The following GABRA3 variants were observed in gnomAD, a reference collection of about 807,000 sequenced individuals.
GABRA3 encodes gamma-aminobutyric acid type A receptor subunit alpha3, also known as gamma-aminobutyric acid receptor subunit alpha-3.
GABRA3 carries 10 observed loss-of-function variants against 30.1 expected under a neutral mutation model. The ratio of observed to expected loss-of-function variants is 0.33; its 90% CI spans 0.20 to 0.56. GABRA3 has a LOEUF of 0.56. GABRA3 is among the 20% of genes least tolerant of loss of function. The probability of loss-of-function intolerance (pLI) is 0.89; values close to 1 mark genes in which losing one functional copy is unlikely to be tolerated. For missense variants in GABRA3, 233 were observed against 392.0 expected (o/e 0.59, Z 3.42); for synonymous variants, 151 against 146.8 (o/e 1.03, Z -0.21).
chrX:152,232,962 C>G (rs1321531909), intron 5 of GABRA3, among the ~76,000 whole-genome samples: 1 of 110,924 alleles, frequency 9.0e-6, no homozygotes, highest in Non-Finnish European at 1.9e-5. Flanking sequence ...TACCTGCATC[C>G]TTGTCAACAT....
chrX:152,218,108 C>T (rs1270814788), intron 6 of GABRA3, among the ~76,000 whole-genome samples: 4 of 108,675 alleles, frequency 3.7e-5, no homozygotes, highest in Non-Finnish European at 7.7e-5. Context: ...TTATAAATTT[C>T]CCTCTAAGCA....
At chrX:152,321,621 G>A in intron 3 of GABRA3, among the ~76,000 whole-genome samples, 1 of 111,223 alleles carries the variant, frequency 9.0e-6, no homozygotes, top group Non-Finnish European at 1.9e-5. Context: ...TAATTTAATT[G>A]GATCTCTTGG....
intron 5 of GABRA3, among the ~76,000 whole-genome samples, chrX:152,239,289 T>C (rs1473030258): frequency 9.3e-6 from 1 of 107,201 alleles, no homozygotes; most frequent in East Asian, 2.9e-4. Context: ...TCAGTTTCCA[T>C]GTAGTTGAGA....
chrX:152,403,917 G>T (rs749597031), intron 1 of GABRA3, among the ~76,000 whole-genome samples: 114 of 111,166 alleles, frequency 1.0e-3, no homozygotes, highest in African/African-American at 3.5e-3. Flanking sequence ...AAATGAGTCT[G>T]ACAGTCTGAG....
At chrX:152,196,624 G>A (rs1342228927) in intron 8 of GABRA3, among the ~76,000 whole-genome samples, 1 of 110,890 alleles carries the variant, frequency 9.0e-6, no homozygotes, top group Non-Finnish European at 1.9e-5. Context: ...TTCTTCTCAA[G>A]ATCCCTAACA....
chrX:152,207,388 CT>C (rs1212896615), intron 7 of GABRA3, among the ~76,000 whole-genome samples: 5 of 111,693 alleles, frequency 4.5e-5, no homozygotes, highest in African/African-American at 1.6e-4. Context: ...CCTTGAACTG[CT>C]CAGGGGCCAT....
chrX:152,348,356 T>C (rs1940423019), intron 2 of GABRA3, among the ~76,000 whole-genome samples: 1 of 111,770 alleles, frequency 8.9e-6, no homozygotes, highest in South Asian at 3.8e-4. Context: ...ATGCTATGTG[T>C]TTATCAACTT....
chrX:152,360,864 G>C (rs1043519825), intron 2 of GABRA3, among the ~76,000 whole-genome samples: 3 of 106,760 alleles, frequency 2.8e-5, no homozygotes, highest in Non-Finnish European at 3.9e-5. Context: ...TTTGAGGTCA[G>C]GAGTTTGAGA....
intron 6 of GABRA3, among the ~76,000 whole-genome samples, chrX:152,216,613 A>C (rs1267151213): frequency 1.2e-4 from 13 of 109,802 alleles, no homozygotes; most frequent in Non-Finnish European, 1.7e-4. Flanking sequence ...AAAGTAGAGA[A>C]TAGAATGGCG....
At chrX:152,168,940 C>T (rs1936970040) in intron 9 of GABRA3, among the ~76,000 whole-genome samples, 1 of 112,052 alleles carries the variant, frequency 8.9e-6, no homozygotes, top group Non-Finnish European at 1.9e-5. Context: ...CATGTGGAAT[C>T]TTATACATCA....
At chrX:152,415,990 T>A (rs931707355) in intron 1 of GABRA3, among the ~76,000 whole-genome samples, 9 of 110,953 alleles carry the variant, frequency 8.1e-5, no homozygotes. Flanking sequence ...ATTCATTTTT[T>A]AAAAAAATAG....
intron 3 of GABRA3, among the ~76,000 whole-genome samples, chrX:152,310,214 T>C (rs1481085789): frequency 8.9e-6 from 1 of 111,981 alleles, no homozygotes; most frequent in East Asian, 2.8e-4. Flanking sequence ...CTGACAGTGT[T>C]AGAAAGATAA....
intron 3 of GABRA3, among the ~76,000 whole-genome samples, chrX:152,304,737 C>T (rs1385168919): frequency 1.8e-5 from 2 of 111,827 alleles, no homozygotes; most frequent in African/African-American, 3.3e-5. Context: ...GTGATGCCTC[C>T]AGCTTTATTC....
chrX:152,273,759 T>C (rs968155031), intron 4 of GABRA3, among the ~76,000 whole-genome samples: 5 of 111,318 alleles, frequency 4.5e-5, no homozygotes, highest in East Asian at 2.8e-4. Context: ...AGATAGAGAA[T>C]AGAATGATGA....
chrX:152,266,896 A>G (rs898124535), intron 4 of GABRA3, among the ~76,000 whole-genome samples: 1 of 112,052 alleles, frequency 8.9e-6, no homozygotes, highest in East Asian at 2.8e-4. Context: ...CAGATGCTCT[A>G]TAAGAATTTT....
chrX:152,413,194 C>T (rs1930116748), intron 1 of GABRA3, among the ~76,000 whole-genome samples: 1 of 109,413 alleles, frequency 9.1e-6, no homozygotes, highest in Admixed American at 9.8e-5. Flanking sequence ...GAATGAAATC[C>T]CAGACCAGAT....
chrX:152,334,837 T>C (rs938940799), intron 3 of GABRA3, among the ~76,000 whole-genome samples: 2 of 111,574 alleles, frequency 1.8e-5, no homozygotes, highest in African/African-American at 3.3e-5. Context: ...TTAGAATATT[T>C]AAACCGAGAA....
At chrX:152,310,176 A>G (rs1460996479) in intron 3 of GABRA3, among the ~76,000 whole-genome samples, 3 of 112,307 alleles carry the variant, frequency 2.7e-5, no homozygotes, top group Non-Finnish European at 3.8e-5. Context: ...ATAGCCACTC[A>G]ATAATAGTGA....
intron 1 of GABRA3, among the ~76,000 whole-genome samples, chrX:152,383,138 G>A (rs754382052): frequency 3.7e-5 from 4 of 109,458 alleles, no homozygotes; most frequent in Non-Finnish European, 5.7e-5. Context: ...TGTAATCCCA[G>A]CACTTTGGGA....
Sources: gnomAD v4.1 joint callset for allele counts (sites outside exome capture counted in the v4.1 genomes callset) on GRCh38, gnomAD v4.1.1 for gene constraint, MANE v1.5 for transcripts, NCBI Gene and HGNC (gene_info 2026-07-23, HGNC 2026-07-21) for gene names.